The following SORCS2 variants were observed in gnomAD, a reference collection of about 807,000 sequenced individuals.
SORCS2 encodes sortilin related VPS10 domain containing receptor 2.
In SORCS2, 100 loss-of-function variants were observed where a neutral mutation model predicts 141.6. The ratio of observed to expected loss-of-function variants is 0.71; its 90% confidence interval spans 0.60 to 0.83. The LOEUF (loss-of-function observed/expected upper bound fraction) is 0.83. Ranked by LOEUF, SORCS2 falls within the 40% of genes least tolerant of loss-of-function variation. The pLI is 0.00. For synonymous variants in SORCS2, 789 were observed against 676.9 expected (o/e 1.17, Z -2.57); for missense variants, 1,646 against 1,560.2 (o/e 1.05, Z -0.93).
At position 7,367,050 on chromosome 4, in the gene SORCS2, G is replaced by C. The variant is rs971893792; in HGVS notation, c.481-29238G>C. ...GCCCCAGAGGAAGACACCAAGCAGT[G>C]GTGGATGTTAAAATAGCCTCTGGGT... On this transcript the variant is annotated intron_variant, in intron 1 of 26. Coordinates refer to ENST00000507866, the MANE Select transcript of SORCS2 (RefSeq NM_020777.3). Among the ~76,000 whole-genome samples the C allele has an allele frequency of 7.2e-5, 11 of 152,316 alleles. No individual in the cohort carries two copies. In the East Asian group the frequency reaches 1.9e-3, roughly 27 times the overall value.
intron 1 of SORCS2, among the ~76,000 whole-genome samples, chr4:7,387,798 T>TACAGGCACACAGAGATACA (rs1560241886): frequency 2.9e-5 from 4 of 139,262 alleles, no homozygotes; most frequent in East Asian, 2.4e-4. Flanking sequence ...ACATGCATGC[T>TACAGGCACACAGAGATACA]CACATGCACA....
chr4:7,645,081 C>T (rs1560452001), intron 4 of SORCS2, among the ~76,000 whole-genome samples: 1 of 152,226 alleles, frequency 6.6e-6, no homozygotes, highest in Non-Finnish European at 1.5e-5. Flanking sequence ...ATGGTAACGC[C>T]ATCCATTAAT....
intron 1 of SORCS2, among the ~76,000 whole-genome samples, chr4:7,235,984 G>A (rs1220465724): frequency 1.3e-5 from 2 of 152,194 alleles, no homozygotes; most frequent in Admixed American, 1.3e-4. Context: ...ACTAGATGCT[G>A]AAGATGGAGC....
intron 3 of SORCS2, among the ~76,000 whole-genome samples, chr4:7,590,892 A>G (rs1310758306): frequency 6.6e-6 from 1 of 152,246 alleles, no homozygotes; most frequent in East Asian, 1.9e-4. Context: ...GAAACCATAG[A>G]TAGCTACACA....
chr4:7,433,248 T>G, intron 2 of SORCS2: 1 of 1,309,420 alleles, frequency 7.6e-7, no homozygotes, highest in Non-Finnish European at 9.7e-7. Flanking sequence ...ATTTGTGAAA[T>G]GGGGATGGGG....
At chr4:7,384,665 G>A (rs947465434) in intron 1 of SORCS2, among the ~76,000 whole-genome samples, 14 of 152,198 alleles carry the variant, frequency 9.2e-5, no homozygotes, top group African/African-American at 1.7e-4. Context: ...TTGGGAGACA[G>A]TGTGTTCTGG....
chr4:7,296,861 G>A (rs1349390399), intron 1 of SORCS2, among the ~76,000 whole-genome samples: 1 of 152,298 alleles, frequency 6.6e-6, no homozygotes, highest in African/African-American at 2.4e-5. Flanking sequence ...GGCTCTCGGG[G>A]ACAGAAGAGG....
intron 2 of SORCS2, among the ~76,000 whole-genome samples, chr4:7,418,039 G>T (rs545216753): frequency 6.6e-6 from 1 of 152,320 alleles, no homozygotes; most frequent in African/African-American, 2.4e-5. Context: ...CACTTGGCCT[G>T]TGTCAGGTGC....
chr4:7,604,915 T>A (rs1039197729), intron 3 of SORCS2, among the ~76,000 whole-genome samples: 7 of 152,166 alleles, frequency 4.6e-5, no homozygotes, highest in Admixed American at 3.3e-4. Flanking sequence ...TGGATTTGTC[T>A]CCTGACCCCT....
chr4:7,654,001 C>T (rs895684126), intron 4 of SORCS2, 133 bp from the exon 5 acceptor site: 21 of 823,518 alleles, frequency 2.6e-5, no homozygotes, highest in Admixed American at 4.5e-5. Context: ...ATGAGCACAG[C>T]GCCTCCGCGT....
chr4:7,486,321 CAGG>C (rs1278873705), intron 2 of SORCS2, among the ~76,000 whole-genome samples: 2 of 152,354 alleles, frequency 1.3e-5, no homozygotes, highest in East Asian at 1.9e-4. Context: ...GGAGCGCCCG[CAGG>C]CCGGCTGGGC....
chr4:7,406,757 T>C (rs553165703), intron 2 of SORCS2, among the ~76,000 whole-genome samples: 1 of 152,106 alleles, frequency 6.6e-6, no homozygotes, highest in East Asian at 1.9e-4. Flanking sequence ...AGTATTTCTT[T>C]CTATTAATTT....
At chr4:7,730,755 C>T (rs1711596622) in intron 23 of SORCS2, among the ~76,000 whole-genome samples, 1 of 152,162 alleles carries the variant, frequency 6.6e-6, no homozygotes, top group South Asian at 2.1e-4. Context: ...CGAGTGACTG[C>T]TAAGGCTAGG....
At chr4:7,575,945 T>C (rs1715721493) in intron 3 of SORCS2, among the ~76,000 whole-genome samples, 1 of 152,258 alleles carries the variant, frequency 6.6e-6, no homozygotes, top group Non-Finnish European at 1.5e-5. Context: ...TCTGAGTTCA[T>C]AATTAAGAAA....
chr4:7,675,981 C>T (rs1447380690), intron 8 of SORCS2, 69 bp from the exon 9 acceptor site: 3 of 1,517,438 alleles, frequency 2.0e-6, no homozygotes, highest in Non-Finnish European at 2.7e-6. Flanking sequence ...GCCTGTGCAG[C>T]CTGCTTCTTC....
At position 7,664,627 on chromosome 4, in the gene SORCS2, T is replaced by C. The variant is rs1248489522; in HGVS notation, c.1071+156T>C. Among the ~76,000 whole-genome samples, 1 of 152,196 alleles carries C rather than the reference T, an allele frequency of 6.6e-6. No homozygotes were observed. The highest frequency in any genetic ancestry group is 1.5e-5 in the Non-Finnish European group (1 of 68,036). On this transcript the variant is annotated intron_variant, in intron 7 of 26. Coordinates refer to ENST00000507866, the MANE Select transcript of SORCS2 (RefSeq NM_020777.3). The surrounding 1 kb of genome is among the most constrained non-coding windows in gnomAD (Gnocchi z 4.7). ...AGGTCACGGTTTCTGACCGTGGCTG[T>C]GGCTGCAGCCATCCACAGAAGCCCT...
intron 3 of SORCS2, among the ~76,000 whole-genome samples, chr4:7,567,965 C>T (rs1001062766): frequency 3.9e-5 from 6 of 152,112 alleles, no homozygotes; most frequent in African/African-American, 7.2e-5. Context: ...TGACATATTC[C>T]GATCACTGTA....
intron 2 of SORCS2, among the ~76,000 whole-genome samples, chr4:7,428,503 C>G (rs1021594086): frequency 2.0e-5 from 3 of 152,074 alleles, no homozygotes; most frequent in African/African-American, 7.2e-5. Context: ...GTTATGGGGC[C>G]GAGGGCAGTG....
At chr4:7,395,624 T>C (rs1577496296) in intron 1 of SORCS2, among the ~76,000 whole-genome samples, 2 of 148,864 alleles carry the variant, frequency 1.3e-5, no homozygotes, top group Admixed American at 1.4e-4. Context: ...AGTTGCATTT[T>C]CTGCACAGGC....
Sources: allele counts gnomAD v4.1 joint callset (sites outside exome capture counted in the v4.1 genomes callset), GRCh38; gene constraint gnomAD v4.1.1; non-coding constraint Gnocchi (gnomAD v3.1); transcripts MANE v1.5; gene names NCBI Gene and HGNC (gene_info 2026-07-23, HGNC 2026-07-21).